Variants in CWC27 observed in about 807,000 individuals in gnomAD.
CWC27 encodes the protein CWC27 spliceosome associated cyclophilin, also known as spliceosome-associated protein CWC27 homolog.
In CWC27, 47 loss-of-function variants were observed where a neutral mutation model predicts 63.6. The ratio of observed to expected loss-of-function variants is 0.74; its 90% confidence interval spans 0.58 to 0.94. The LOEUF (loss-of-function observed/expected upper bound fraction) is 0.94, where lower values mean the gene tolerates loss of function less well. CWC27 is among the 40% of genes least tolerant of loss of function. The pLI is 0.00. For missense variants in CWC27, 495 were observed against 554.3 expected (o/e 0.89, Z 1.07); for synonymous variants, 175 against 179.8 (o/e 0.97, Z 0.22).
intron 10 of CWC27, among the ~76,000 whole-genome samples, chr5:64,829,819 T>C (rs949785102): frequency 1.7e-4 from 25 of 149,366 alleles, no homozygotes; most frequent in East Asian, 4.1e-4. Flanking sequence ...ACAGGCCCCA[T>C]TGTGTGATGT....
chr5:64,977,153 C>T lies in CWC27; in HGVS notation c.1171C>T (p.Gln391Ter). The T allele has an allele frequency of 6.2e-7, 1 of 1,608,426 alleles. No individual in the cohort carries two copies. The highest frequency in any genetic ancestry group is 8.5e-7 in the Non-Finnish European group (1 of 1,176,428). The change falls in exon 13 of 14, where the codon CAG becomes TAG. Residue 391 changes from glutamine to a stop codon, truncating the protein, a stop_gained. Coordinates refer to ENST00000381070, the MANE Select transcript of CWC27 (RefSeq NM_005869.4). LOFTEE classifies it high-confidence loss of function. ...ATTTCAGACCCTTGCACTGCTGAAC[C>T]AGTTTAAATCTAAACTCACTCAAGC... ...REDQTLALLN[Q>*]FKSKLTQAIA...
At chr5:64,888,133 G>A (rs746532497) in intron 11 of CWC27, among the ~76,000 whole-genome samples, 1 of 151,862 alleles carries the variant, frequency 6.6e-6, no homozygotes, top group Non-Finnish European at 1.5e-5. Flanking sequence ...TCAGCCGGAA[G>A]TATCTTGTGG....
intron 11 of CWC27, among the ~76,000 whole-genome samples, chr5:64,967,349 TC>T (rs1388732598): frequency 2.0e-5 from 3 of 152,038 alleles, no homozygotes. Context: ...ATTGCAGTTC[TC>T]CCCAAATTAA....
intron 11 of CWC27, among the ~76,000 whole-genome samples, chr5:64,900,502 G>A (rs1009514511): frequency 1.7e-4 from 26 of 152,110 alleles, no homozygotes; most frequent in African/African-American, 6.3e-4. Context: ...CTCTCAAACG[G>A]TGGCTTATAT....
intron 3 of CWC27, among the ~76,000 whole-genome samples, chr5:64,783,553 A>G (rs1743771649): frequency 6.6e-6 from 1 of 152,232 alleles, no homozygotes; most frequent in Non-Finnish European, 1.5e-5. Flanking sequence ...AGAATAGGGA[A>G]ATGACTTAGA....
intron 13 of CWC27, among the ~76,000 whole-genome samples, chr5:64,980,906 A>G (rs1378263042): frequency 6.6e-6 from 1 of 152,200 alleles, no homozygotes; most frequent in Non-Finnish European, 1.5e-5. Flanking sequence ...AGCCTGGCCA[A>G]CATGGCGAAA....
intron 10 of CWC27, among the ~76,000 whole-genome samples, chr5:64,859,916 A>C (rs1746357195): frequency 6.6e-6 from 1 of 152,238 alleles, no homozygotes; most frequent in Non-Finnish European, 1.5e-5. Flanking sequence ...AGTAGTATCA[A>C]CATTTTATTG....
chr5:64,879,976 A>C (rs1431260586), intron 10 of CWC27, among the ~76,000 whole-genome samples: 1 of 151,982 alleles, frequency 6.6e-6, no homozygotes, highest in Non-Finnish European at 1.5e-5. Flanking sequence ...ATGTTTTAGC[A>C]TGTACCCTGT....
At chr5:64,820,631 A>T (rs139850209) in intron 10 of CWC27, among the ~76,000 whole-genome samples, 30 of 152,306 alleles carry the variant, frequency 2.0e-4, no homozygotes, top group African/African-American at 7.0e-4. Context: ...CTACACAAAT[A>T]TAGTCATCTG....
chr5:64,851,895 A>T (rs1047717530), intron 10 of CWC27, among the ~76,000 whole-genome samples: 4 of 152,086 alleles, frequency 2.6e-5, no homozygotes, highest in East Asian at 3.9e-4. Context: ...AATTTATCTC[A>T]CTCGTTTTCT....
intron 10 of CWC27, among the ~76,000 whole-genome samples, chr5:64,863,481 T>G (rs1746461328): frequency 6.7e-6 from 1 of 149,738 alleles, no homozygotes; most frequent in African/African-American, 2.5e-5. Flanking sequence ...TCCCATCCCC[T>G]CTCCTCCTCT....
chr5:64,966,284 A>G (rs570553687), intron 11 of CWC27, among the ~76,000 whole-genome samples: 1 of 152,262 alleles, frequency 6.6e-6, no homozygotes, highest in East Asian at 1.9e-4. Flanking sequence ...GAGAAAGAAA[A>G]ACAAGCTTGA....
At chr5:64,932,299 T>C (rs1467251292) in intron 11 of CWC27, among the ~76,000 whole-genome samples, 1 of 152,084 alleles carries the variant, frequency 6.6e-6, no homozygotes, top group Non-Finnish European at 1.5e-5. Context: ...CCTCCAGATA[T>C]TGCCATTTTG....
At chr5:64,868,876 T>C (rs1317840683) in intron 10 of CWC27, among the ~76,000 whole-genome samples, 1 of 152,070 alleles carries the variant, frequency 6.6e-6, no homozygotes, top group Non-Finnish European at 1.5e-5. Flanking sequence ...TCTTACCTTA[T>C]CATCTTTGCA....
chr5:64,776,123 A>AGAGAGAGAGAGAGAC, intron 2 of CWC27, among the ~76,000 whole-genome samples: 1 of 107,516 alleles, frequency 9.3e-6, no homozygotes, highest in African/African-American at 4.0e-5. Flanking sequence ...GAGAGAGAGA[A>AGAGAGAGAGAGAGAC]TGAAAGGACA....
chr5:64,862,459 C>T (rs1187601347), intron 10 of CWC27, among the ~76,000 whole-genome samples: 1 of 152,096 alleles, frequency 6.6e-6, no homozygotes, highest in Non-Finnish European at 1.5e-5. Context: ...CATTAAAATA[C>T]TTCAACACAG....
chr5:65,001,524 AT>A (rs941562170), intron 13 of CWC27, among the ~76,000 whole-genome samples: 1 of 152,066 alleles, frequency 6.6e-6, no homozygotes, highest in Non-Finnish European at 1.5e-5. Context: ...GTTTTTAATC[AT>A]AAAAATGTGT....
intron 13 of CWC27, among the ~76,000 whole-genome samples, chr5:64,984,619 C>G (rs1027210303): frequency 1.3e-5 from 2 of 152,194 alleles, no homozygotes; most frequent in Non-Finnish European, 2.9e-5. Context: ...AATGTCTGTT[C>G]AAGTCTTTTG....
At chr5:64,990,958 T>C (rs1257951163) in intron 13 of CWC27, among the ~76,000 whole-genome samples, 1 of 152,214 alleles carries the variant, frequency 6.6e-6, no homozygotes, top group Non-Finnish European at 1.5e-5. Flanking sequence ...TAATAAATGT[T>C]TTTAATGGAA....
Sources: allele counts gnomAD v4.1 joint callset (sites outside exome capture counted in the v4.1 genomes callset), GRCh38; gene constraint gnomAD v4.1.1; transcripts MANE v1.5; gene names NCBI Gene and HGNC (gene_info 2026-07-23, HGNC 2026-07-21).